Variants in GASK1A observed in about 807,000 individuals in gnomAD.
The protein encoded by GASK1A is Golgi-associated kinase 1A.
In GASK1A, 40 loss-of-function variants were observed where a neutral mutation model predicts 41.2. The ratio of observed to expected loss-of-function variants is 0.97; its 90% CI spans 0.75 to 1.27. GASK1A has a LOEUF of 1.27. Ranked by LOEUF, GASK1A falls within the 50% of genes most tolerant of loss-of-function variation. The pLI is 0.00. For synonymous variants in GASK1A, 316 were observed against 307.1 expected, an observed-to-expected ratio of 1.03 and a Z score of -0.30; for missense variants, 678 against 745.1, an observed-to-expected ratio of 0.91 and a Z score of 1.05.
At chr3:43,025,037 A>T (rs2089540297) in intron 1 of GASK1A, among the ~76,000 whole-genome samples, 1 of 152,170 alleles carries the variant, frequency 6.6e-6, no homozygotes, top group Admixed American at 6.5e-5. Context: ...AGGTGTGGAG[A>T]CAGAGTGGGT....
intron 2 of GASK1A, among the ~76,000 whole-genome samples, chr3:43,034,669 C>T (rs982245838): frequency 6.6e-6 from 1 of 152,132 alleles, no homozygotes; most frequent in Admixed American, 6.5e-5. Context: ...TGTGGTGTTT[C>T]GTCCACATGG....
intron 1 of GASK1A, among the ~76,000 whole-genome samples, chr3:43,003,143 A>G (rs1341982850): frequency 1.3e-5 from 2 of 152,188 alleles, no homozygotes; most frequent in African/African-American, 4.8e-5. Context: ...CCTTCAGATT[A>G]TGTCTAGTAC....
At chr3:43,021,330 C>T (rs983937002) in intron 1 of GASK1A, among the ~76,000 whole-genome samples, 1 of 152,126 alleles carries the variant, frequency 6.6e-6, no homozygotes, top group African/African-American at 2.4e-5. Flanking sequence ...CTGTTCCATC[C>T]TGGTTATCTT....
intron 1 of GASK1A, among the ~76,000 whole-genome samples, chr3:43,021,873 G>T (rs148235391): frequency 3.4e-4 from 52 of 152,222 alleles, no homozygotes; most frequent in Admixed American, 3.4e-3. Flanking sequence ...AAGCCCATGG[G>T]CATCTTCTCT....
intron 2 of GASK1A, among the ~76,000 whole-genome samples, 163 bp from the exon 3 acceptor site, chr3:43,053,358 C>T (rs1412671137): frequency 2.0e-5 from 3 of 152,198 alleles, no homozygotes; most frequent in Admixed American, 1.3e-4. Flanking sequence ...AGGAGGAAAG[C>T]GGAAGCCCCA....
chr3:42,989,540 T>C (rs1055486215), intron 1 of GASK1A, among the ~76,000 whole-genome samples: 1 of 152,238 alleles, frequency 6.6e-6, no homozygotes, highest in African/African-American at 2.4e-5. Flanking sequence ...TGCAACTCTA[T>C]TGTTTTATCT....
At chr3:43,022,735 C>A (rs1437678145) in intron 1 of GASK1A, among the ~76,000 whole-genome samples, 1 of 152,170 alleles carries the variant, frequency 6.6e-6, no homozygotes, top group Non-Finnish European at 1.5e-5. Context: ...GAGTGGGGCC[C>A]AACAACTTCC....
At chr3:43,006,694 T>G (rs1411202142) in intron 1 of GASK1A, among the ~76,000 whole-genome samples, 2 of 152,212 alleles carry the variant, frequency 1.3e-5, no homozygotes, top group Admixed American at 6.5e-5. Context: ...TAACCTGGTT[T>G]TCTAATAACA....
At chr3:43,054,820 G>A (rs1233027499) in intron 3 of GASK1A, among the ~76,000 whole-genome samples, 2 of 152,222 alleles carry the variant, frequency 1.3e-5, no homozygotes, top group African/African-American at 4.8e-5. Flanking sequence ...ATCAGATTAT[G>A]GTCAGTGCTT....
At chr3:43,045,060 G>T (rs1262203046) in intron 2 of GASK1A, among the ~76,000 whole-genome samples, 1 of 152,196 alleles carries the variant, frequency 6.6e-6, no homozygotes, top group East Asian at 1.9e-4. Context: ...GGATGTGGGT[G>T]TAGAAAGGTA....
rs934813339 is a variant in GASK1A at position 42,979,502 on chromosome 3, C to T, written c.-141C>T. ...GCAGAGAACGTGTGCACCTTCAGTCCGGGAAACCCGCCCCAGCCGAGTAGC... is the reference window on the plus strand; with the variant it reads ...GCAGAGAACGTGTGCACCTTCAGTCTGGGAAACCCGCCCCAGCCGAGTAGC... On this transcript the variant is annotated 5_prime_UTR_variant, in exon 1 of 5. Coordinates refer to ENST00000430121, the MANE Select transcript of GASK1A (RefSeq NM_001129908.3). 4.3e-5 allele frequency: 41 copies of T among 961,164 alleles called. No homozygotes were observed. Among genetic ancestry groups the T allele is most frequent in the Admixed American group, 4.3e-5 (1 of 23,326 alleles). 59.5% of individuals were successfully genotyped at this position (961,164 alleles called of 1,614,324 possible). A position where few individuals can be genotyped will look rare whatever the true frequency, so the allele number is the denominator to read the frequency against.
chr3:43,002,897 G>GA (rs1475868318), intron 1 of GASK1A, among the ~76,000 whole-genome samples: 25 of 152,132 alleles, frequency 1.6e-4, no homozygotes, highest in Non-Finnish European at 5.9e-5. Context: ...TTTTATGCTT[G>GA]AAAATCAAGC....
chr3:42,988,726 C>G (rs571980037), intron 1 of GASK1A, among the ~76,000 whole-genome samples: 1 of 152,360 alleles, frequency 6.6e-6, no homozygotes, highest in East Asian at 1.9e-4. Context: ...TGTTGTTGCC[C>G]TTTGGCAGAG....
chr3:42,990,159 T>C (rs2089332546), intron 1 of GASK1A, among the ~76,000 whole-genome samples: 1 of 151,872 alleles, frequency 6.6e-6, no homozygotes, highest in Non-Finnish European at 1.5e-5. Context: ...CTTTTGTCTA[T>C]GTTGGGCAAC....
intron 2 of GASK1A, among the ~76,000 whole-genome samples, chr3:43,041,268 T>C (rs941383495): frequency 6.6e-6 from 1 of 151,976 alleles, no homozygotes; most frequent in Non-Finnish European, 1.5e-5. Flanking sequence ...TCAAATGGTA[T>C]TTCTAGTTCT....
intron 1 of GASK1A, among the ~76,000 whole-genome samples, chr3:43,007,545 C>G (rs1311468394): frequency 6.6e-6 from 1 of 152,072 alleles, no homozygotes; most frequent in African/African-American, 2.4e-5. Flanking sequence ...TTGGGGGCTC[C>G]CTTGGTGTAA....
intron 3 of GASK1A, 97 bp downstream of exon 3, chr3:43,053,740 G>T: frequency 1.4e-6 from 2 of 1,380,734 alleles, no homozygotes; most frequent in East Asian, 2.5e-5. Flanking sequence ...ATCAGTTGAT[G>T]CTGGGGTTTC....
At chr3:43,032,204 T>G in intron 1 of GASK1A, 63 bp from the exon 2 acceptor site, 1 of 1,304,422 alleles carries the variant, frequency 7.7e-7, no homozygotes, top group African/African-American at 1.5e-5. Flanking sequence ...ATCCCCATTG[T>G]TTTGTGGGTT....
At chr3:42,996,822 C>A (rs2125675633) in intron 1 of GASK1A, among the ~76,000 whole-genome samples, 3 of 152,362 alleles carry the variant, frequency 2.0e-5, no homozygotes, top group Admixed American at 2.0e-4. Context: ...GTGTAGGATA[C>A]TCAGTTCCTG....
Sources: allele counts gnomAD v4.1 joint callset (sites outside exome capture counted in the v4.1 genomes callset), GRCh38; gene constraint gnomAD v4.1.1; transcripts MANE v1.5; gene names NCBI Gene and HGNC (gene_info 2026-07-23, HGNC 2026-07-21).